Variants in FSTL4 observed in about 807,000 individuals in gnomAD.
FSTL4 encodes the protein follistatin like 4.
A neutral mutation model predicts 78.2 loss-of-function variants in FSTL4; 28 were observed. The ratio of observed to expected loss-of-function variants is 0.36; its 90% confidence interval spans 0.27 to 0.49. The LOEUF is 0.49. Among genes scored for constraint, FSTL4 ranks in the 20% least tolerant of loss-of-function variants. FSTL4 has a pLI of 0.98. For synonymous variants in FSTL4, 422 were observed against 440.5 expected, an observed-to-expected ratio of 0.96 and a Z score of 0.53; for missense variants, 922 against 1,084.9, an observed-to-expected ratio of 0.85 and a Z score of 2.11.
intron 3 of FSTL4, among the ~76,000 whole-genome samples, chr5:133,541,164 A>G (rs1166699038): frequency 1.3e-5 from 2 of 152,224 alleles, no homozygotes. Context: ...AACAACAACA[A>G]GCGTTGCATT....
At chr5:133,543,412 A>G (rs1368940369) in intron 3 of FSTL4, among the ~76,000 whole-genome samples, 1 of 152,142 alleles carries the variant, frequency 6.6e-6, no homozygotes, top group Non-Finnish European at 1.5e-5. Context: ...TGTGATCATG[A>G]GCTTATCTAT....
intron 3 of FSTL4, among the ~76,000 whole-genome samples, chr5:133,528,961 T>G (rs1305507557): frequency 2.0e-5 from 3 of 152,206 alleles, no homozygotes; most frequent in Non-Finnish European, 4.4e-5. Flanking sequence ...CAGTGAGCAG[T>G]GCCACCTCCA....
At chr5:133,633,821 G>A in the FSTL4 span, among the ~76,000 whole-genome samples, 12 of 152,066 alleles carry the variant, frequency 7.9e-5, no homozygotes, top group Non-Finnish European at 1.5e-5. Flanking sequence ...AGTGGGTATA[G>A]AAGCCCAAGT....
At chr5:133,288,468 C>T (rs1039687977) in intron 6 of FSTL4, among the ~76,000 whole-genome samples, 2 of 152,238 alleles carry the variant, frequency 1.3e-5, no homozygotes, top group African/African-American at 2.4e-5. Context: ...CTGTTTGGAG[C>T]GATGTTGCTG....
At chr5:133,240,462 TG>T (rs1444986467) in intron 7 of FSTL4, among the ~76,000 whole-genome samples, 1 of 152,158 alleles carries the variant, frequency 6.6e-6, no homozygotes, top group Non-Finnish European at 1.5e-5. Flanking sequence ...GTGAGCAACC[TG>T]GAGTGGGCCT....
intron 4 of FSTL4, among the ~76,000 whole-genome samples, chr5:133,387,407 C>G (rs752349365): frequency 2.2e-4 from 34 of 152,150 alleles, no homozygotes; most frequent in Non-Finnish European, 4.9e-4. Context: ...CTGGCACATT[C>G]TCCGTGAATG....
intron 4 of FSTL4, among the ~76,000 whole-genome samples, chr5:133,317,208 A>G (rs1753929260): frequency 6.6e-6 from 1 of 152,266 alleles, no homozygotes; most frequent in Non-Finnish European, 1.5e-5. Context: ...AGAAACAAAA[A>G]GAAGCTTTAC....
chr5:133,305,440 G>T (rs1753634587), intron 6 of FSTL4, among the ~76,000 whole-genome samples: 1 of 152,164 alleles, frequency 6.6e-6, no homozygotes, highest in South Asian at 2.1e-4. Flanking sequence ...CCCCTCACCT[G>T]CCTGGGACAC....
the FSTL4 span, among the ~76,000 whole-genome samples, chr5:133,665,313 T>A: frequency 6.6e-6 from 1 of 152,230 alleles, no homozygotes; most frequent in Non-Finnish European, 1.5e-5. Context: ...CCATGTTCCA[T>A]GGTGACCAGG....
chr5:133,675,603 G>A, the FSTL4 span, among the ~76,000 whole-genome samples: 5 of 152,060 alleles, frequency 3.3e-5, no homozygotes, highest in African/African-American at 9.6e-5. Context: ...GCAGTCCCTG[G>A]CAGCAGGCAG....
At chr5:133,511,535 G>A (rs1320272178) in intron 3 of FSTL4, among the ~76,000 whole-genome samples, 2 of 152,172 alleles carry the variant, frequency 1.3e-5, no homozygotes, top group Non-Finnish European at 2.9e-5. Flanking sequence ...GGAGCAAGGG[G>A]CACACGTGAC....
At chr5:133,656,618 G>A in the FSTL4 span, among the ~76,000 whole-genome samples, 1 of 152,152 alleles carries the variant, frequency 6.6e-6, no homozygotes, top group Non-Finnish European at 1.5e-5. Context: ...GGCTTGGTGT[G>A]CTCAAGGAGC....
chr5:133,687,556 G>A, the FSTL4 span, among the ~76,000 whole-genome samples: 22 of 152,262 alleles, frequency 1.4e-4, no homozygotes, highest in African/African-American at 5.3e-4. Flanking sequence ...AAAACTCATT[G>A]CACACTGGAA....
rs758947514 is a variant in FSTL4 at position 133,316,633 on chromosome 5, G to A, written c.429C>T (p.Ala143=). ...GGACATTCTTCAAGCGGGCGTAGCCGGCCATGGTGCACGTGTCACCTGAAA... is the reference window on the plus strand; with the variant it reads ...GGACATTCTTCAAGCGGGCGTAGCCAGCCATGGTGCACGTGTCACCTGAAA... ...CFLKGDTCTM[A]GYARLKNVLL... Residue 143 remains alanine, a synonymous_variant, in exon 5 of 16, where the codon GCC becomes GCT. Transcript: ENST00000265342. The A allele has an allele frequency of 2.1e-5, 34 of 1,612,970 alleles. No individual in the cohort carries two copies. Among genetic ancestry groups the A allele is most frequent in the South Asian group, 1.3e-4 (12 of 91,038 alleles).
intron 6 of FSTL4, among the ~76,000 whole-genome samples, chr5:133,304,387 CT>C (rs1753612567): frequency 6.6e-6 from 1 of 152,130 alleles, no homozygotes; most frequent in South Asian, 2.1e-4. Flanking sequence ...TGTTCTGCAG[CT>C]CCTGGGGGAG....
At chr5:133,205,386 CGTGTGTGT>C (rs3087070) in intron 14 of FSTL4, among the ~76,000 whole-genome samples, 2 of 150,732 alleles carry the variant, frequency 1.3e-5, no homozygotes, top group Admixed American at 6.6e-5. Flanking sequence ...TTTTTCTTTG[CGTGTGTGT>C]GTGTGTGTGT....
At chr5:133,462,145 C>T (rs1234323838) in intron 3 of FSTL4, among the ~76,000 whole-genome samples, 3 of 152,216 alleles carry the variant, frequency 2.0e-5, no homozygotes, top group East Asian at 1.9e-4. Flanking sequence ...CTCAAGACCA[C>T]GTCCTCACTG....
At chr5:133,386,052 G>C (rs1260424316) in intron 4 of FSTL4, among the ~76,000 whole-genome samples, 1 of 152,136 alleles carries the variant, frequency 6.6e-6, no homozygotes, top group Non-Finnish European at 1.5e-5. Flanking sequence ...AGTGGTGTTG[G>C]GCAAGTCATT....
the FSTL4 span, among the ~76,000 whole-genome samples, chr5:133,669,475 C>T: frequency 1.3e-5 from 2 of 152,246 alleles, no homozygotes; most frequent in Non-Finnish European, 2.9e-5. Context: ...AGGAAAATGA[C>T]ATCCTTCAGC....
Sources: gnomAD v4.1 joint callset for allele counts (sites outside exome capture counted in the v4.1 genomes callset) on GRCh38, gnomAD v4.1.1 for gene constraint, MANE v1.5 for transcripts, NCBI Gene and HGNC (gene_info 2026-07-23, HGNC 2026-07-21) for gene names.